KIAA1549L: variants seen among roughly 807,000 people sequenced by gnomAD.
KIAA1549L encodes UPF0606 protein KIAA1549L.
A neutral mutation model predicts 160.7 loss-of-function variants in KIAA1549L; 88 were observed. The ratio of observed to expected loss-of-function variants is 0.55; its 90% CI spans 0.46 to 0.65. The LOEUF (loss-of-function observed/expected upper bound fraction) is 0.65, where lower values mean the gene tolerates loss of function less well. KIAA1549L is among the 30% of genes least tolerant of loss of function. The pLI is 0.00. For synonymous variants in KIAA1549L, 950 were observed against 976.7 expected (o/e 0.97, Z 0.51); for missense variants, 2,258 against 2,437.5 (o/e 0.93, Z 1.55).
chr11:33,575,278 TAAG>T (rs1855408170), intron 10 of KIAA1549L, among the ~76,000 whole-genome samples: 1 of 152,224 alleles, frequency 6.6e-6, no homozygotes. Context: ...CTCCTGCCCT[TAAG>T]GAGCAGGGAG....
chr11:33,650,095 A>T (rs6484663), intron 17 of KIAA1549L, among the ~76,000 whole-genome samples: 81,403 of 151,820 alleles, frequency 0.54, 23,545 homozygotes, highest in African/African-American at 0.75. Flanking sequence ...CTGTTGACAG[A>T]GCATGGTCCA....
chr11:33,558,342 C>T lies in KIAA1549L; in HGVS notation c.3856-1407C>T, dbSNP rs1195785217. 4.6e-5 allele frequency among the ~76,000 whole-genome samples: 7 copies of T among 152,114 alleles called. 1 individual carries two copies. Among genetic ancestry groups the T allele is most frequent in the East Asian group, 1.9e-4 (1 of 5,182 alleles). ...CAGCTGGGACCCGATGGGGTGAGTG[C>T]GGGGTTCGAGGTTCAGCTGCCTGAT... On this transcript the variant is annotated intron_variant, in intron 6 of 20. Transcript: ENST00000658780.
chr11:33,585,391 A>C (rs1855779842), intron 11 of KIAA1549L, among the ~76,000 whole-genome samples: 1 of 152,062 alleles, frequency 6.6e-6, no homozygotes, highest in African/African-American at 2.4e-5. Context: ...GGTGGCGCAC[A>C]CCTGTAATCC....
chr11:33,600,423 A>T lies in KIAA1549L; in HGVS notation c.4879+1476A>T, dbSNP rs1320256725. 2.0e-5 allele frequency among the ~76,000 whole-genome samples: 3 copies of T among 152,174 alleles called. No individual in the cohort carries two copies. In the East Asian group the frequency reaches 5.8e-4, roughly 29 times the overall value. On this transcript the variant is annotated intron_variant, in intron 13 of 20. Coordinates refer to ENST00000658780, the MANE Select transcript of KIAA1549L (RefSeq NM_012194.3). ...AGATGGGTAGAGAGAGTGAGGTGAC[A>T]GCAGAGACAATGGACAGTGAAGCCA...
In KIAA1549L at chr11:33,390,493, T is replaced by A. The variant is rs535567574; in HGVS notation, c.238+13604T>A. On this transcript the variant is annotated intron_variant, in intron 1 of 20. Transcript: ENST00000658780. ...TAGTTTAAACGCCCACCATCAAGACTCTGCCCCAGTTCCACATTCCCATGA... is the reference window on the plus strand; with the variant it reads ...TAGTTTAAACGCCCACCATCAAGACACTGCCCCAGTTCCACATTCCCATGA... Among the ~76,000 whole-genome samples, 320 of 152,306 alleles carry A rather than the reference T, an allele frequency of 2.1e-3. 1 individual carries two copies. The highest frequency in any genetic ancestry group is 7.4e-3 in the African/African-American group (306 of 41,574).
At position 33,499,757 on chromosome 11, in the gene KIAA1549L, C is replaced by A. The variant is rs111849177; in HGVS notation, c.239-42045C>A. ...CCCAAGCCATTAGATACTCTCTGAC[C>A]TTCCTCAGAACCATTTATTTGATAA... On this transcript the variant is annotated intron_variant, in intron 1 of 20. Coordinates refer to ENST00000658780, the MANE Select transcript of KIAA1549L (RefSeq NM_012194.3). 1.3e-3 allele frequency among the ~76,000 whole-genome samples: 194 copies of A among 152,312 alleles called. 4 individuals are homozygous for A. The highest frequency in any genetic ancestry group is 4.5e-3 in the African/African-American group (187 of 41,560).
chr11:33,544,701 A>G (rs1364708299), intron 2 of KIAA1549L, 66 bp from the exon 3 acceptor site: 1 of 1,525,062 alleles, frequency 6.6e-7, no homozygotes, highest in East Asian at 2.3e-5. Flanking sequence ...ACATCCATTC[A>G]TCATCAGAAC....
At chr11:33,545,745 A>G (rs1023343085) in intron 3 of KIAA1549L, among the ~76,000 whole-genome samples, 1 of 152,192 alleles carries the variant, frequency 6.6e-6, no homozygotes, top group South Asian at 2.1e-4. Flanking sequence ...ATCAGTCCTG[A>G]TATCAGAAGT....
intron 1 of KIAA1549L, chr11:33,450,582 C>CAAA (rs201656420): frequency 7.5e-5 from 9 of 120,336 alleles, no homozygotes; most frequent in African/African-American, 1.9e-4. Flanking sequence ...ACAACAACAA[C>CAAA]AACAACAAAA....
At chr11:33,546,507 C>T (rs1184390526) in intron 3 of KIAA1549L, among the ~76,000 whole-genome samples, 1 of 152,180 alleles carries the variant, frequency 6.6e-6, no homozygotes, top group Non-Finnish European at 1.5e-5. Flanking sequence ...TCTCTCCATC[C>T]TATTTCACAC....
intron 8 of KIAA1549L, among the ~76,000 whole-genome samples, chr11:33,562,593 G>T (rs1356490756): frequency 6.6e-6 from 1 of 151,780 alleles, no homozygotes; most frequent in Non-Finnish European, 1.5e-5. Context: ...CTCTGGGTCT[G>T]TCTGTATCCT....
chr11:33,535,996 C>T (rs1853885319), intron 1 of KIAA1549L, among the ~76,000 whole-genome samples: 1 of 152,178 alleles, frequency 6.6e-6, no homozygotes, highest in African/African-American at 2.4e-5. Flanking sequence ...ATATGTTTTA[C>T]CTAATTAGCG....
chr11:33,441,844 C>T (rs536554003), intron 1 of KIAA1549L, among the ~76,000 whole-genome samples: 36 of 152,170 alleles, frequency 2.4e-4, no homozygotes, highest in African/African-American at 3.4e-4. Flanking sequence ...GAGTAGGTTG[C>T]GAAAATTTTC....
At chr11:33,574,658 A>G (rs755449153) in intron 9 of KIAA1549L, 44 bp from the exon 10 acceptor site, 2 of 1,570,526 alleles carry the variant, frequency 1.3e-6, no homozygotes, top group Non-Finnish European at 1.7e-6. Context: ...TGCAGGGTCC[A>G]TGCAAAATGC....
intron 1 of KIAA1549L, among the ~76,000 whole-genome samples, chr11:33,468,309 T>C (rs937635494): frequency 5.9e-5 from 9 of 152,246 alleles, no homozygotes; most frequent in Admixed American, 2.0e-4. Context: ...TCTGTAGCAT[T>C]TGACGCTCCA....
At chr11:33,544,404 C>T in intron 2 of KIAA1549L, 68 bp downstream of exon 2, 4 of 1,499,784 alleles carry the variant, frequency 2.7e-6, no homozygotes, top group Non-Finnish European at 3.7e-6. Flanking sequence ...CTTTTGTGGT[C>T]AAAGCATCTT....
intron 20 of KIAA1549L, 75 bp from the exon 21 acceptor site, chr11:33,667,798 G>A (rs1256931631): frequency 1.1e-5 from 15 of 1,318,842 alleles, no homozygotes; most frequent in Non-Finnish European, 1.6e-5. Flanking sequence ...CCTGCTTCCA[G>A]TGTCAAGTGT....
Position 33,672,747 on chromosome 11 carries a change from C to T in KIAA1549L, c.*4593C>T, listed in dbSNP as rs1392916647. The T allele has an allele frequency of 1.3e-5, 2 of 153,980 alleles. No homozygotes were observed. Among genetic ancestry groups the T allele is most frequent in the East Asian group, 3.8e-4 (2 of 5,196 alleles). 9.5% of individuals were successfully genotyped at this position (153,980 alleles called of 1,614,324 possible). A position where few individuals can be genotyped will look rare whatever the true frequency, so the allele number is the denominator to read the frequency against. ...GAGCTGCCCCAGCCACTTCTCACCC[C>T]ACCACCAGTTATTGATACAGCCGCT... On this transcript the variant is annotated 3_prime_UTR_variant, in exon 21 of 21. Coordinates refer to ENST00000658780, the MANE Select transcript of KIAA1549L (RefSeq NM_012194.3).
chr11:33,431,304 T>A (rs1271531977), intron 1 of KIAA1549L, among the ~76,000 whole-genome samples: 1 of 152,176 alleles, frequency 6.6e-6, no homozygotes, highest in Non-Finnish European at 1.5e-5. Flanking sequence ...CACTGCTGGC[T>A]CTGGCAGCCT....
Sources: allele counts gnomAD v4.1 joint callset (sites outside exome capture counted in the v4.1 genomes callset), GRCh38; gene constraint gnomAD v4.1.1; transcripts MANE v1.5; gene names NCBI Gene and HGNC (gene_info 2026-07-23, HGNC 2026-07-21).